The following SNX21 variants were observed in gnomAD, a reference collection of about 807,000 sequenced individuals.
SNX21 encodes the protein sorting nexin-21.
SNX21 carries 36 observed loss-of-function variants against 30.9 expected under a neutral mutation model. The ratio of observed to expected loss-of-function variants is 1.16; its 90% CI spans 0.89 to 1.54. SNX21 has a LOEUF of 1.54. Ranked by LOEUF, SNX21 falls within the 40% of genes most tolerant of loss-of-function variation. SNX21 has a pLI of 0.00. For synonymous variants in SNX21, 218 were observed against 222.7 expected (o/e 0.98, Z 0.19); for missense variants, 508 against 516.5 (o/e 0.98, Z 0.16).
At chr20:45,834,071 G>C in intron 1 of SNX21, 130 bp from the exon 2 acceptor site, 2 of 1,398,440 alleles carry the variant, frequency 1.4e-6, no homozygotes, top group East Asian at 5.4e-5. Flanking sequence ...GCAAGACCTC[G>C]GACTGCCAGG....
intron 2 of SNX21, chr20:45,834,669 G>A: frequency 1.4e-6 from 1 of 725,686 alleles, no homozygotes; most frequent in Non-Finnish European, 2.2e-6. Flanking sequence ...GTGTCAAGTG[G>A]GAGAACTCAC....
In SNX21 at chr20:45,841,927, GC is replaced by G. The variant is rs763391361; in HGVS notation, c.*616del. On this transcript the variant is annotated 3_prime_UTR_variant, in exon 4 of 4. Transcript: ENST00000491381. The stretch of plus-strand genomic sequence containing the variant: ...GCTAGGACTCCATCCTGACGCCACA[GC>G]CGCCCATGGACCAGCCCCCGAGAGC... 6.2e-7 allele frequency: 1 copy of G among 1,613,154 alleles called. No homozygotes were observed. Among genetic ancestry groups the G allele is most frequent in the South Asian group, 1.1e-5 (1 of 90,990 alleles).
At chr20:45,834,015 C>A (rs1983244170) in intron 1 of SNX21, 75 bp downstream of exon 1, 1 of 1,428,148 alleles carries the variant, frequency 7.0e-7, no homozygotes, top group Non-Finnish European at 9.2e-7. Context: ...CGGTCCTAGG[C>A]TGAGTGGGTT....
At position 45,836,255 on chromosome 20, in the gene SNX21, T is replaced by C. The variant is rs534295706; in HGVS notation, c.447+1139T>C. ...GCTCACGCCTGTAATCCCAGCACTT[T>C]GGGAAGCCGAGGCGGGCGGATCACG... On this transcript the variant is annotated intron_variant, in intron 3 of 3. Transcript: ENST00000491381. Among the ~76,000 whole-genome samples the C allele has an allele frequency of 5.2e-3, 792 of 152,168 alleles. 8 individuals carry two copies. Among genetic ancestry groups the C allele is most frequent in the African/African-American group, 0.018 (768 of 41,530 alleles).
chr20:45,835,320 G>A (rs420093), intron 3 of SNX21, among the ~76,000 whole-genome samples: 127 of 152,314 alleles, frequency 8.3e-4, no homozygotes, highest in African/African-American at 3.0e-3. Flanking sequence ...CTGAAGTGGG[G>A]ATTAAGGACC....
Position 45,834,054 on chromosome 20 carries a change from C to T in SNX21, c.21+114C>T, listed in dbSNP as rs1014798597. The stretch of plus-strand genomic sequence containing the variant: ...GGGAAAGCGATGCTGGCTGGGTCCC[C>T]TGGTTCGCAAGACCTCGGACTGCCA... On this transcript the variant is annotated intron_variant, in intron 1 of 3. Coordinates refer to ENST00000491381, the MANE Select transcript of SNX21 (RefSeq NM_033421.4). 2.1e-5 allele frequency: 30 copies of T among 1,413,472 alleles called. No individual in the cohort carries two copies. The Middle Eastern group carries it at 1.0e-3, about 48-fold the overall frequency. 87.6% of individuals were successfully genotyped at this position (1,413,472 alleles called of 1,614,324 possible). A position where few individuals can be genotyped will look rare whatever the true frequency, so the allele number is the denominator to read the frequency against.
chr20:45,834,356 C>G lies in SNX21; in HGVS notation c.177C>G (p.Gly59=), dbSNP rs1403643748. The G allele has an allele frequency of 6.2e-7, 1 of 1,602,048 alleles. No homozygotes were observed. The highest frequency in any genetic ancestry group is 8.5e-7 in the Non-Finnish European group (1 of 1,177,794). ...DAEGLSSRLS[G]TLSFTSAEDD... is the part of the protein sequence containing the mutation. Reference sequence around the variant, plus strand: ...AGGGCCTGTCCTCCCGACTCAGCGGCACCCTCAGCTTCACCAGCGCCGAGG... The same window carrying G: ...AGGGCCTGTCCTCCCGACTCAGCGGGACCCTCAGCTTCACCAGCGCCGAGG... The change falls in exon 2 of 4, where the codon GGC becomes GGG. Residue 59 remains glycine, a synonymous_variant. Coordinates refer to ENST00000491381, the MANE Select transcript of SNX21 (RefSeq NM_033421.4).
In SNX21 at chr20:45,838,701, C is replaced by T. The variant is rs1018768708; in HGVS notation, c.448-1938C>T. The stretch of plus-strand genomic sequence containing the variant: ...CCCAGGAGGCAGAGGTTGCAGTGAG[C>T]GGAGATTGTGCCACTGCATGCCAGC... On this transcript the variant is annotated intron_variant, in intron 3 of 3. Coordinates refer to ENST00000491381, the MANE Select transcript of SNX21 (RefSeq NM_033421.4). Among the ~76,000 whole-genome samples, 9 of 151,598 alleles carry T rather than the reference C, an allele frequency of 5.9e-5. No individual in the cohort carries two copies. The East Asian group carries it at 8.1e-4, about 14-fold the overall frequency.
intron 3 of SNX21, 167 bp from the exon 4 acceptor site, chr20:45,840,472 G>C: frequency 7.4e-6 from 12 of 1,614,172 alleles, no homozygotes; most frequent in Non-Finnish European, 1.0e-5. Flanking sequence ...AGATGGGACT[G>C]GGCTTCCCCG....
Position 45,840,701 on chromosome 20 carries a change from C to G in SNX21, c.510C>G (p.Arg170=), listed in dbSNP as rs1568730023. The change falls in exon 4 of 4, where the codon CGC becomes CGG. Residue 170 remains arginine, a synonymous_variant. Transcript: ENST00000491381. Reference sequence around the variant, plus strand: ...ATTGCCAGCCAGCCCAGATCTCTCGCCGTTACTCGGACTTTGAGCGGCTGC... The same window carrying G: ...ATTGCCAGCCAGCCCAGATCTCTCGGCGTTACTCGGACTTTGAGCGGCTGC... The part of the protein sequence containing the change: ...PPDCQPAQIS[R]RYSDFERLHR... 1 of 1,614,214 alleles carries G rather than the reference C, an allele frequency of 6.2e-7. No individual in the cohort carries two copies. Among genetic ancestry groups the G allele is most frequent in the Non-Finnish European group, 8.5e-7 (1 of 1,180,042 alleles).
At chr20:45,834,075 T>C (rs1253912895) in intron 1 of SNX21, 126 bp from the exon 2 acceptor site, 15 of 1,395,350 alleles carry the variant, frequency 1.1e-5, no homozygotes, top group Non-Finnish European at 1.4e-5. Flanking sequence ...GACCTCGGAC[T>C]GCCAGGGGGT....
intron 3 of SNX21, among the ~76,000 whole-genome samples, chr20:45,838,101 G>A (rs531561684): frequency 3.3e-5 from 5 of 150,966 alleles, no homozygotes; most frequent in African/African-American, 9.7e-5. Context: ...TAAGTTTATC[G>A]AGACGGAGTC....
rs191573187 is a variant in SNX21, at chr20:45,833,897, C to T, written c.-23C>T. Reference sequence around the variant, plus strand: ...GGCTGCGGGGGGCTGCACCCGGACCCCTGGGGCGCGGCGCGCCCCTGAATG... The same window carrying T: ...GGCTGCGGGGGGCTGCACCCGGACCTCTGGGGCGCGGCGCGCCCCTGAATG... On this transcript the variant is annotated 5_prime_UTR_variant, in exon 1 of 4. Transcript: ENST00000491381. 3,921 of 1,380,394 alleles carry T rather than the reference C, an allele frequency of 2.8e-3. 99 individuals carry two copies. In the African/African-American group the frequency reaches 0.054, roughly 19 times the overall value. The allele number at this position is 1,380,394 out of a possible 1,614,324, so 85.5% of individuals were successfully genotyped here. A position where few individuals can be genotyped will look rare whatever the true frequency, so the allele number is the denominator to read the frequency against.
In SNX21 at chr20:45,843,121, G is replaced by A; in HGVS notation, c.*1808G>A. 9.7e-7 allele frequency: 1 copy of A among 1,036,100 alleles called. No individual in the cohort carries two copies. Among genetic ancestry groups the A allele is most frequent in the Non-Finnish European group, 1.2e-6 (1 of 804,702 alleles). The allele number at this position is 1,036,100 out of a possible 1,614,324, so 64.2% of individuals were successfully genotyped here. On this transcript the variant is annotated 3_prime_UTR_variant, in exon 4 of 4. Transcript: ENST00000491381. ...AGTGAGAATCTTGAGGGTGGAATCA[G>A]AATCTATTTTGAAAAGGCATCCCCA...
chr20:45,834,173 G>C (rs767647200), intron 1 of SNX21, 28 bp from the exon 2 acceptor site: 14 of 1,468,754 alleles, frequency 9.5e-6, no homozygotes, highest in Middle Eastern at 2.3e-4. Context: ...TCCGGGATCC[G>C]GTACACAGCG....
Position 45,842,280 on chromosome 20 carries a change from A to C in SNX21, c.*967A>C. 7.0e-7 allele frequency: 1 copy of C among 1,428,600 alleles called. No homozygotes were observed. The highest frequency in any genetic ancestry group is 9.1e-7 in the Non-Finnish European group (1 of 1,097,028). The allele number at this position is 1,428,600 out of a possible 1,614,324, so 88.5% of individuals were successfully genotyped here. ...ATTGAGGGGTAACTCCTCCCACAGGAACCCCAGTTGACAGTTTAAAAGCAC... is the reference window on the plus strand; with the variant it reads ...ATTGAGGGGTAACTCCTCCCACAGGCACCCCAGTTGACAGTTTAAAAGCAC... On this transcript the variant is annotated 3_prime_UTR_variant, in exon 4 of 4. Coordinates refer to ENST00000491381, the MANE Select transcript of SNX21 (RefSeq NM_033421.4).
chr20:45,841,062 G>T lies in SNX21; in HGVS notation c.871G>T (p.Val291Leu), dbSNP rs539069234. 5.0e-6 allele frequency: 8 copies of T among 1,609,114 alleles called. No individual in the cohort carries two copies. The highest frequency in any genetic ancestry group is 3.3e-5 in the South Asian group (3 of 90,756). The change falls in exon 4 of 4, where the codon GTG becomes TTG. Residue 291 changes from valine to leucine, a missense_variant. Coordinates refer to ENST00000491381, the MANE Select transcript of SNX21 (RefSeq NM_033421.4). ...CCTGCTGACCCTGGCTGGGCTGGCC[G>T]TGTGCCACCAGGAGCTGGAAGACCC... The part of the protein sequence containing the change: ...RPLLTLAGLA[V>L]CHQELEDPGE...
chr20:45,837,629 G>A (rs554336003), intron 3 of SNX21, among the ~76,000 whole-genome samples: 32 of 152,250 alleles, frequency 2.1e-4, no homozygotes, highest in African/African-American at 7.0e-4. Flanking sequence ...GGGAGGCGGG[G>A]AACTTCGTGA....
chr20:45,835,018 G>T lies in SNX21; in HGVS notation c.349G>T (p.Asp117Tyr). 1 of 1,614,200 alleles carries T rather than the reference G, an allele frequency of 6.2e-7. No homozygotes were observed. Among genetic ancestry groups the T allele is most frequent in the Admixed American group, 1.7e-5 (1 of 60,028 alleles). ...GSQLLARQLQ[D>Y]FWKKSRNTLA... is the part of the protein sequence containing the mutation. Reference sequence around the variant, plus strand: ...TCAGCTCCTGGCGCGGCAGCTGCAGGATTTCTGGAAGAAGTCCCGGAACAC... The same window carrying T: ...TCAGCTCCTGGCGCGGCAGCTGCAGTATTTCTGGAAGAAGTCCCGGAACAC... The change falls in exon 3 of 4, where the codon GAT becomes TAT. Residue 117 changes from aspartate (D) to tyrosine (Y), a missense_variant. Coordinates refer to ENST00000491381, the MANE Select transcript of SNX21 (RefSeq NM_033421.4).
Sources: allele counts gnomAD v4.1 joint callset (sites outside exome capture counted in the v4.1 genomes callset), GRCh38; gene constraint gnomAD v4.1.1; transcripts MANE v1.5; gene names NCBI Gene and HGNC (gene_info 2026-07-23, HGNC 2026-07-21).